The following MAPKAPK2 variants were observed in gnomAD, a reference collection of about 807,000 sequenced individuals.
The protein encoded by MAPKAPK2 is MAP kinase-activated protein kinase 2.
Under a neutral mutation model 48.8 loss-of-function variants are expected in MAPKAPK2, and 9 were observed. The observed-to-expected ratio is 0.18, with a 90% confidence interval of 0.11 to 0.32. The LOEUF (loss-of-function observed/expected upper bound fraction) is 0.32, where lower values mean the gene tolerates loss of function less well. Ranked by LOEUF, MAPKAPK2 falls within the 10% of genes least tolerant of loss-of-function variation. The pLI is 1.00. For synonymous variants in MAPKAPK2, 202 were observed against 190.6 expected, an observed-to-expected ratio of 1.06 and a Z score of -0.49; for missense variants, 331 against 498.3, an observed-to-expected ratio of 0.66 and a Z score of 3.20.
rs1254001736 is a variant in MAPKAPK2, at chr1:206,722,946, G to A, written c.280-5764G>A. 2.6e-5 allele frequency among the ~76,000 whole-genome samples: 4 copies of A among 152,360 alleles called. No homozygotes were observed. The South Asian group carries it at 6.2e-4, about 24-fold the overall frequency. On this transcript the variant is annotated intron_variant, in intron 1 of 9. Transcript: ENST00000367103. ...CACGGTGGGTTAGTGTGTGACACACGTGGCTTTCCCCCGACCCCCAGCTGC... is the reference window on the plus strand; with the variant it reads ...CACGGTGGGTTAGTGTGTGACACACATGGCTTTCCCCCGACCCCCAGCTGC...
At chr1:206,702,973 C>G (rs1672846426) in intron 1 of MAPKAPK2, among the ~76,000 whole-genome samples, 2 of 152,190 alleles carry the variant, frequency 1.3e-5, no homozygotes, top group Admixed American at 1.3e-4. Context: ...GTTCATTCTG[C>G]CTGCATGACT....
In MAPKAPK2 at chr1:206,729,478, G is replaced by A. The variant is rs1553432324; in HGVS notation, c.564+3G>A. ...ACATTGCCCATCGGGATGTCAAGGT[G>A]CCAGCTGTTCATAACCCTGAGCCCG... On this transcript the variant is annotated splice_donor_region_variant and intron_variant, in intron 4 of 9. Transcript: ENST00000367103. The A allele has an allele frequency of 6.2e-7, 1 of 1,613,502 alleles. No homozygotes were observed.
intron 1 of MAPKAPK2, among the ~76,000 whole-genome samples, chr1:206,700,340 G>A (rs1257479202): frequency 1.3e-5 from 2 of 152,162 alleles, no homozygotes; most frequent in Admixed American, 1.3e-4. Context: ...GTCTCCTCTC[G>A]CTGGACACTG....
intron 1 of MAPKAPK2, among the ~76,000 whole-genome samples, chr1:206,711,607 C>CTT (rs781793889): frequency 0.19 from 21,834 of 115,228 alleles, 2,161 homozygotes; most frequent in East Asian, 0.25. Context: ...CTACCTCATT[C>CTT]TTTTTTTTTT....
intron 1 of MAPKAPK2, among the ~76,000 whole-genome samples, chr1:206,692,718 C>T (rs1347331398): frequency 9.9e-5 from 15 of 152,224 alleles, no homozygotes; most frequent in African/African-American, 2.9e-4. Context: ...CCAAGCTGTG[C>T]GCTCATTCTG....
At chr1:206,718,532 CAAAA>C (rs60964142) in intron 1 of MAPKAPK2, among the ~76,000 whole-genome samples, 149 of 114,660 alleles carry the variant, frequency 1.3e-3, no homozygotes, top group East Asian at 0.013. Context: ...GACTCCATCT[CAAAA>C]AAAAAAAAAA....
At chr1:206,695,580 C>T (rs782436689) in intron 1 of MAPKAPK2, among the ~76,000 whole-genome samples, 8 of 151,362 alleles carry the variant, frequency 5.3e-5, no homozygotes, top group Non-Finnish European at 1.2e-4. Context: ...TGCATCTTCT[C>T]TGTACCATGC....
At chr1:206,729,590 C>A in intron 4 of MAPKAPK2, 115 bp downstream of exon 4, 1 of 906,144 alleles carries the variant, frequency 1.1e-6, no homozygotes, top group Non-Finnish European at 1.8e-6. Flanking sequence ...GGTTCCTGAG[C>A]ATGCCATTCT....
At chr1:206,707,944 A>C (rs1553428848) in intron 1 of MAPKAPK2, among the ~76,000 whole-genome samples, 1 of 152,246 alleles carries the variant, frequency 6.6e-6, no homozygotes, top group African/African-American at 2.4e-5. Context: ...TGTCTAAAAA[A>C]AATGGTTTCC....
At chr1:206,685,620 C>CGGCGGGGCGG (rs1238474416) in intron 1 of MAPKAPK2, 112 bp downstream of exon 1, 3 of 854,268 alleles carry the variant, frequency 3.5e-6, no homozygotes, top group Non-Finnish European at 4.3e-6. Context: ...GGGGTGGCCG[C>CGGCGGGGCGG]GGCGGGGCGG....
chr1:206,686,555 C>T (rs782532221), intron 1 of MAPKAPK2, among the ~76,000 whole-genome samples: 1 of 152,138 alleles, frequency 6.6e-6, no homozygotes, highest in Non-Finnish European at 1.5e-5. Context: ...CTAAAGGTGA[C>T]GCCTCAGGTC....
At chr1:206,706,616 T>C (rs550607987) in intron 1 of MAPKAPK2, among the ~76,000 whole-genome samples, 2 of 151,960 alleles carry the variant, frequency 1.3e-5, no homozygotes, top group Non-Finnish European at 2.9e-5. Flanking sequence ...GGGTATGGGG[T>C]AAGGATGGAG....
In MAPKAPK2 at chr1:206,732,027, T is replaced by G. The variant is rs782262733; in HGVS notation, c.1059+108T>G. 6.2e-7 allele frequency: 1 copy of G among 1,614,070 alleles called. No individual in the cohort carries two copies. The highest frequency in any genetic ancestry group is 2.2e-5 in the East Asian group (1 of 44,870). ...GTAGGGGAGAGCTTGATTCTGCCTC[T>G]CTCATCCCAGGGGTGTCTTCATGAC... On this transcript the variant is annotated intron_variant, in intron 9 of 9. Transcript: ENST00000367103. The surrounding 1 kb of genome is among the most constrained non-coding windows in gnomAD (Gnocchi z 4.4).
chr1:206,694,940 C>T (rs564491379), intron 1 of MAPKAPK2, among the ~76,000 whole-genome samples: 1 of 152,318 alleles, frequency 6.6e-6, no homozygotes, highest in South Asian at 2.1e-4. Context: ...TGCAGACACG[C>T]CAAGTGCTGT....
At chr1:206,701,449 G>A (rs1425809532) in intron 1 of MAPKAPK2, among the ~76,000 whole-genome samples, 1 of 152,090 alleles carries the variant, frequency 6.6e-6, no homozygotes, top group Non-Finnish European at 1.5e-5. Context: ...TAGCTGGAAG[G>A]GGATTTGAGG....
intron 1 of MAPKAPK2, among the ~76,000 whole-genome samples, chr1:206,699,845 T>A (rs1672740516): frequency 6.6e-6 from 1 of 152,118 alleles, no homozygotes. Flanking sequence ...GATGGGAAAG[T>A]GAAGCAATGG....
At chr1:206,709,190 C>T (rs538349766) in intron 1 of MAPKAPK2, among the ~76,000 whole-genome samples, 2 of 152,284 alleles carry the variant, frequency 1.3e-5, no homozygotes, top group South Asian at 2.1e-4. Context: ...TTGTACTGTG[C>T]ACCCAATTAT....
At position 206,696,271 on chromosome 1, in the gene MAPKAPK2, T is replaced by C. The variant is rs1039806075; in HGVS notation, c.279+10763T>C. The C allele has an allele frequency of 2.1e-5, 26 of 1,236,538 alleles. No homozygotes were observed. The South Asian group carries it at 3.1e-4, about 15-fold the overall frequency. The allele number at this position is 1,236,538 out of a possible 1,614,324, so 76.6% of individuals were successfully genotyped here. ...TTCCTTCCCCTTTCAAGGTGCCATTTCTGCATGTTGTTTCCAGACTCCGCA... is the reference window on the plus strand; with the variant it reads ...TTCCTTCCCCTTTCAAGGTGCCATTCCTGCATGTTGTTTCCAGACTCCGCA... On this transcript the variant is annotated intron_variant, in intron 1 of 9. Coordinates refer to ENST00000367103, the MANE Select transcript of MAPKAPK2 (RefSeq NM_032960.4).
intron 3 of MAPKAPK2, 140 bp downstream of exon 3, chr1:206,729,239 G>T: frequency 1.8e-6 from 2 of 1,119,820 alleles, no homozygotes; most frequent in South Asian, 2.5e-5. Context: ...TGCCTCAGCT[G>T]ACCAGGGAAG....
Sources: gnomAD v4.1 joint callset for allele counts (sites outside exome capture counted in the v4.1 genomes callset) on GRCh38, gnomAD v4.1.1 for gene constraint, Gnocchi (gnomAD v3.1) non-coding constraint, MANE v1.5 for transcripts, NCBI Gene and HGNC (gene_info 2026-07-23, HGNC 2026-07-21) for gene names.